The following FRMD4A variants were observed in gnomAD, a reference collection of about 807,000 sequenced individuals.
FRMD4A encodes FERM domain-containing protein 4A.
A neutral mutation model predicts 129.1 loss-of-function variants in FRMD4A; 29 were observed. The ratio of observed to expected loss-of-function variants is 0.22; its 90% CI spans 0.17 to 0.31. FRMD4A has a LOEUF of 0.31. FRMD4A is among the 10% of genes least tolerant of loss of function. The probability of loss-of-function intolerance (pLI) is 1.00; values close to 1 mark genes in which losing one functional copy is unlikely to be tolerated. For synonymous variants in FRMD4A, 634 were observed against 571.6 expected (o/e 1.11, Z -1.56); for missense variants, 1,272 against 1,375.8 (o/e 0.92, Z 1.19).
At chr10:14,036,314 G>A (rs1182900388) in intron 2 of FRMD4A, among the ~76,000 whole-genome samples, 1 of 152,118 alleles carries the variant, frequency 6.6e-6, no homozygotes, top group Non-Finnish European at 1.5e-5. Flanking sequence ...ATTAGTTCAG[G>A]GTACTCCTGG....
At chr10:14,109,144 C>T (rs1362252073) in intron 2 of FRMD4A, among the ~76,000 whole-genome samples, 1 of 150,870 alleles carries the variant, frequency 6.6e-6, no homozygotes, top group Admixed American at 6.6e-5. Flanking sequence ...GATTAGACAT[C>T]TACATAGTTT....
intron 2 of FRMD4A, among the ~76,000 whole-genome samples, chr10:14,014,583 A>T (rs1211285624): frequency 6.6e-6 from 1 of 152,186 alleles, no homozygotes; most frequent in Non-Finnish European, 1.5e-5. Context: ...AGACAAACAG[A>T]AAGGCTGCCT....
intron 2 of FRMD4A, among the ~76,000 whole-genome samples, chr10:14,240,648 T>C (rs1310943816): frequency 6.6e-6 from 1 of 152,304 alleles, no homozygotes; most frequent in East Asian, 1.9e-4. Context: ...TTAACCATTA[T>C]TATTAAATTT....
intron 2 of FRMD4A, among the ~76,000 whole-genome samples, chr10:14,297,692 T>C (rs1013218777): frequency 1.3e-5 from 2 of 152,152 alleles, no homozygotes; most frequent in African/African-American, 4.8e-5. Flanking sequence ...GCTGTGTGTA[T>C]AGAAAACATA....
chr10:13,823,176 T>C (rs1343496036), intron 3 of FRMD4A, among the ~76,000 whole-genome samples: 1 of 152,180 alleles, frequency 6.6e-6, no homozygotes, highest in Non-Finnish European at 1.5e-5. Flanking sequence ...TACATAATGA[T>C]TGCTCCTCTA....
chr10:13,856,825 G>C (rs2094220232), intron 3 of FRMD4A, among the ~76,000 whole-genome samples: 1 of 152,156 alleles, frequency 6.6e-6, no homozygotes, highest in African/African-American at 2.4e-5. Context: ...CTGGCCAAGA[G>C]ATAGTTTCTA....
At chr10:14,225,533 C>T (rs371866560) in intron 2 of FRMD4A, among the ~76,000 whole-genome samples, 6 of 152,172 alleles carry the variant, frequency 3.9e-5, no homozygotes, top group Non-Finnish European at 5.9e-5. Flanking sequence ...AGATTTGGCC[C>T]GGCTTCCATG....
intron 2 of FRMD4A, among the ~76,000 whole-genome samples, chr10:14,175,619 G>C (rs1173729419): frequency 6.6e-6 from 1 of 151,148 alleles, no homozygotes; most frequent in Non-Finnish European, 1.5e-5. Flanking sequence ...TGAACTACTG[G>C]GTTCAAGAGA....
At chr10:13,777,194 C>A (rs1031963174) in intron 6 of FRMD4A, among the ~76,000 whole-genome samples, 20 of 152,344 alleles carry the variant, frequency 1.3e-4, no homozygotes, top group African/African-American at 4.6e-4. Context: ...TTTACACTGA[C>A]ACAGGTTACA....
chr10:14,264,466 A>T lies in FRMD4A; in HGVS notation c.45+65592T>A, dbSNP rs150025120. ...AGGTATTGCTGGACTCTAGCCAATG[A>T]CCCATTTATTGCCAAAACAATGCAT... On this transcript the variant is annotated intron_variant, in intron 2 of 24. Transcript: ENST00000357447. Among the ~76,000 whole-genome samples the T allele has an allele frequency of 9.2e-5, 14 of 152,306 alleles. No homozygotes were observed. The East Asian group carries it at 2.5e-3, about 27-fold the overall frequency.
At chr10:14,030,251 G>C (rs1348356015) in intron 2 of FRMD4A, among the ~76,000 whole-genome samples, 1 of 152,114 alleles carries the variant, frequency 6.6e-6, no homozygotes, top group African/African-American at 2.4e-5. Context: ...GATCTTAAGT[G>C]TTCTCATCAT....
intron 2 of FRMD4A, among the ~76,000 whole-genome samples, chr10:14,241,388 C>A (rs1385132117): frequency 6.6e-6 from 1 of 152,058 alleles, no homozygotes; most frequent in East Asian, 1.9e-4. Context: ...CTTCTAGAAC[C>A]TTTTTTGTGA....
In FRMD4A at chr10:14,330,577, T is replaced by C. The variant is rs148206310; in HGVS notation, c.-82+20A>G. 16 of 405,034 alleles carry C rather than the reference T, an allele frequency of 4.0e-5. No individual in the cohort carries two copies. Among genetic ancestry groups the C allele is most frequent in the African/African-American group, 3.1e-4 (15 of 48,954 alleles). The allele number at this position is 405,034 out of a possible 1,614,324, so 25.1% of individuals were successfully genotyped here. A position where few individuals can be genotyped will look rare whatever the true frequency, so the allele number is the denominator to read the frequency against. ...TCTCAGCAATTCTGCTGCATAAACA[T>C]GCTGAATGTCACAACATACCGCTCG... On this transcript the variant is annotated intron_variant, in intron 1 of 24. Coordinates refer to ENST00000357447, the MANE Select transcript of FRMD4A (RefSeq NM_018027.5).
chr10:13,816,619 A>G (rs962930678), intron 3 of FRMD4A, among the ~76,000 whole-genome samples: 4 of 152,224 alleles, frequency 2.6e-5, no homozygotes, highest in African/African-American at 9.6e-5. Flanking sequence ...TTAATATACT[A>G]CATTGTTCTG....
intron 2 of FRMD4A, among the ~76,000 whole-genome samples, chr10:14,268,418 C>G (rs193038426): frequency 8.3e-4 from 126 of 152,306 alleles, no homozygotes; most frequent in Middle Eastern, 3.4e-3. Flanking sequence ...CTTAGACGCT[C>G]TTTATCCATA....
chr10:13,826,560 C>T (rs982239067), intron 3 of FRMD4A, among the ~76,000 whole-genome samples: 1 of 152,136 alleles, frequency 6.6e-6, no homozygotes, highest in Non-Finnish European at 1.5e-5. Flanking sequence ...AGAGACATGG[C>T]ACTGGCTTTT....
intron 2 of FRMD4A, among the ~76,000 whole-genome samples, chr10:14,303,033 A>G (rs1250654770): frequency 1.3e-5 from 2 of 152,222 alleles, no homozygotes; most frequent in South Asian, 2.1e-4. Flanking sequence ...AAACAATGTC[A>G]ATGCAAGATG....
At position 13,663,487 on chromosome 10, in the gene FRMD4A, G is replaced by A; in HGVS notation, c.1626C>T (p.Asp542=). 1.3e-6 allele frequency: 2 copies of A among 1,559,790 alleles called. No homozygotes were observed. Among genetic ancestry groups the A allele is most frequent in the Non-Finnish European group, 1.8e-6 (2 of 1,130,310 alleles). ...IIDDGNIASE[D]SSLSDALVLE... is the part of the protein sequence containing the mutation. ...GAACAAGGGCATCTGAGAGGGAGCT[G>A]TCTTCACTGGCAATGTTTCCATCTG... Residue 542 remains aspartate, a synonymous_variant, in exon 19 of 25, where the codon GAC becomes GAT. Coordinates refer to ENST00000357447, the MANE Select transcript of FRMD4A (RefSeq NM_018027.5).
chr10:13,708,343 A>G (rs1028279504), intron 12 of FRMD4A, among the ~76,000 whole-genome samples: 16 of 152,324 alleles, frequency 1.1e-4, no homozygotes, highest in Middle Eastern at 3.4e-3. Flanking sequence ...CTGCTAGTCA[A>G]TGGTTGGCTA....
Sources: allele counts gnomAD v4.1 joint callset (sites outside exome capture counted in the v4.1 genomes callset), GRCh38; gene constraint gnomAD v4.1.1; transcripts MANE v1.5; gene names NCBI Gene and HGNC (gene_info 2026-07-23, HGNC 2026-07-21).